Variants in ITFG1 observed in about 807,000 individuals in gnomAD.
ITFG1 encodes integrin alpha FG-GAP repeat containing 1, also known as T-cell immunomodulatory protein.
A neutral mutation model predicts 81.8 loss-of-function variants in ITFG1; 34 were observed. The observed-to-expected ratio is 0.42, with a 90% CI of 0.32 to 0.55. ITFG1 has a LOEUF of 0.55. Among genes scored for constraint, ITFG1 ranks in the 20% least tolerant of loss-of-function variants. The probability of loss-of-function intolerance (pLI) is 0.17; values close to 1 mark genes in which losing one functional copy is unlikely to be tolerated. For missense variants in ITFG1, 672 were observed against 755.4 expected (o/e 0.89, Z 1.29); for synonymous variants, 285 against 270.6 (o/e 1.05, Z -0.52).
Position 47,162,641 on chromosome 16 carries a change from G to A in ITFG1, c.1477C>T (p.His493Tyr), listed in dbSNP as rs764461168. The change falls in exon 15 of 18, where the codon CAT becomes TAT. Residue 493 changes from histidine to tyrosine, a missense_variant. Physicochemically the swap from His to Tyr is moderately conservative, Grantham distance 83 (BLOSUM62 2). Transcript: ENST00000320640. ...GSAGQLSQSA[H>Y]LALQLPYNVL... ...TTGTATGGTAGTTGGAGAGCTAAATGTGCGGATTGGCTGAGTTGGCCAGCT... is the reference window on the plus strand; with the variant it reads ...TTGTATGGTAGTTGGAGAGCTAAATATGCGGATTGGCTGAGTTGGCCAGCT... The A allele has an allele frequency of 3.1e-6, 5 of 1,605,828 alleles. No individual in the cohort carries two copies. The highest frequency in any genetic ancestry group is 4.3e-6 in the Non-Finnish European group (5 of 1,176,324).
At chr16:47,177,819 A>G (rs931651401) in intron 14 of ITFG1, among the ~76,000 whole-genome samples, 11 of 152,244 alleles carry the variant, frequency 7.2e-5, no homozygotes, top group African/African-American at 2.7e-4. Flanking sequence ...GTATTACTGC[A>G]GTGATGATTT....
intron 7 of ITFG1, among the ~76,000 whole-genome samples, chr16:47,371,721 A>G (rs899600773): frequency 2.6e-5 from 4 of 152,134 alleles, no homozygotes; most frequent in African/African-American, 9.7e-5. Flanking sequence ...ATGTCTGCAG[A>G]CATTTTTGAT....
chr16:47,446,712 A>G (rs1386514018), intron 5 of ITFG1, among the ~76,000 whole-genome samples: 1 of 152,174 alleles, frequency 6.6e-6, no homozygotes, highest in Non-Finnish European at 1.5e-5. Context: ...ATACACTTTG[A>G]AAAAATGCAA....
intron 12 of ITFG1, among the ~76,000 whole-genome samples, chr16:47,252,894 A>G (rs937084090): frequency 1.2e-4 from 19 of 152,174 alleles, no homozygotes; most frequent in African/African-American, 4.6e-4. Flanking sequence ...AAAGAGTGGA[A>G]GGGCATCTCA....
chr16:47,181,188 G>T (rs1236111918), intron 14 of ITFG1, among the ~76,000 whole-genome samples: 1 of 148,634 alleles, frequency 6.7e-6, no homozygotes, highest in Non-Finnish European at 1.5e-5. Flanking sequence ...CTGCCCGGCC[G>T]CCCCATCTGA....
At chr16:47,191,685 G>A (rs893737022) in intron 14 of ITFG1, among the ~76,000 whole-genome samples, 9 of 151,906 alleles carry the variant, frequency 5.9e-5, no homozygotes, top group African/African-American at 1.9e-4. Context: ...ATTTTTTTGT[G>A]TTTTTAGTAG....
At chr16:47,423,020 G>C (rs1203202875) in intron 6 of ITFG1, among the ~76,000 whole-genome samples, 1 of 152,136 alleles carries the variant, frequency 6.6e-6, no homozygotes, top group Non-Finnish European at 1.5e-5. Context: ...TATTGACAGT[G>C]GGGTGTTAAA....
intron 14 of ITFG1, among the ~76,000 whole-genome samples, chr16:47,205,241 C>T (rs529720500): frequency 5.3e-5 from 8 of 152,314 alleles, no homozygotes; most frequent in African/African-American, 1.9e-4. Context: ...GTTGAGGGAG[C>T]TGTTCTATCT....
At chr16:47,277,878 C>T (rs987646236) in intron 10 of ITFG1, among the ~76,000 whole-genome samples, 2 of 152,176 alleles carry the variant, frequency 1.3e-5, no homozygotes, top group African/African-American at 4.8e-5. Flanking sequence ...ACACTTATTT[C>T]AGCTATTATA....
At chr16:47,330,726 C>T (rs1177782023) in intron 8 of ITFG1, among the ~76,000 whole-genome samples, 1 of 152,086 alleles carries the variant, frequency 6.6e-6, no homozygotes, top group Non-Finnish European at 1.5e-5. Context: ...AAAAAATGCT[C>T]AATATCACTA....
intron 6 of ITFG1, among the ~76,000 whole-genome samples, chr16:47,421,142 G>C (rs969365978): frequency 6.6e-6 from 1 of 151,922 alleles, no homozygotes; most frequent in Non-Finnish European, 1.5e-5. Context: ...TGTTGTTACA[G>C]GTGAAGTGAG....
chr16:47,355,333 A>C (rs1038132851), intron 8 of ITFG1, among the ~76,000 whole-genome samples: 2 of 152,156 alleles, frequency 1.3e-5, no homozygotes, highest in Non-Finnish European at 2.9e-5. Context: ...TGTGGAATCT[A>C]AAATAAGTAG....
At chr16:47,161,235 A>T (rs913521915) in intron 16 of ITFG1, among the ~76,000 whole-genome samples, 14 of 152,230 alleles carry the variant, frequency 9.2e-5, no homozygotes, top group African/African-American at 3.1e-4. Flanking sequence ...CATGCTTGGC[A>T]CTGTGTTAAG....
chr16:47,194,021 T>C (rs1310971913), intron 14 of ITFG1, among the ~76,000 whole-genome samples: 2 of 152,210 alleles, frequency 1.3e-5, no homozygotes, highest in African/African-American at 4.8e-5. Context: ...GTGTCTACTA[T>C]AGCGTTAAAA....
intron 8 of ITFG1, among the ~76,000 whole-genome samples, chr16:47,327,152 G>A (rs1361750997): frequency 6.6e-6 from 1 of 152,032 alleles, no homozygotes; most frequent in Non-Finnish European, 1.5e-5. Context: ...ACAGAACAGA[G>A]CCCTCAGAAA....
chr16:47,269,902 A>G (rs951846019), intron 10 of ITFG1, among the ~76,000 whole-genome samples: 2 of 152,360 alleles, frequency 1.3e-5, no homozygotes, highest in East Asian at 1.9e-4. Context: ...ATAGTAATCA[A>G]GTGTGGTACT....
chr16:47,365,292 G>A (rs746736250), intron 8 of ITFG1, among the ~76,000 whole-genome samples: 12 of 152,208 alleles, frequency 7.9e-5, no homozygotes, highest in Non-Finnish European at 1.2e-4. Flanking sequence ...GGAAGTTCCT[G>A]ACCAATGTGA....
intron 10 of ITFG1, among the ~76,000 whole-genome samples, chr16:47,267,461 A>G (rs1042540268): frequency 6.6e-6 from 1 of 152,226 alleles, no homozygotes; most frequent in Non-Finnish European, 1.5e-5. Context: ...GTTCACAACT[A>G]TAGTCACGGA....
At chr16:47,178,724 A>G (rs1965061190) in intron 14 of ITFG1, among the ~76,000 whole-genome samples, 1 of 152,216 alleles carries the variant, frequency 6.6e-6, no homozygotes, top group African/African-American at 2.4e-5. Context: ...AAATTGACAA[A>G]TGGGATCTAA....
Sources: allele counts gnomAD v4.1 joint callset (sites outside exome capture counted in the v4.1 genomes callset), GRCh38; gene constraint gnomAD v4.1.1; transcripts MANE v1.5; gene names NCBI Gene and HGNC (gene_info 2026-07-23, HGNC 2026-07-21).